Variants in SARS1 observed in about 807,000 individuals in gnomAD.
The protein encoded by SARS1 is seryl-tRNA synthetase 1, also known as serine--tRNA ligase, cytoplasmic.
In SARS1, 25 loss-of-function variants were observed where a neutral mutation model predicts 63.7. That is an observed-to-expected ratio of 0.39 (90% confidence interval 0.29 to 0.55). The LOEUF is 0.55. Ranked by LOEUF, SARS1 falls within the 20% of genes least tolerant of loss-of-function variation. SARS1 has a pLI of 0.62. For missense variants in SARS1, 417 were observed against 649.7 expected, an observed-to-expected ratio of 0.64 and a Z score of 3.89; for synonymous variants, 231 against 243.5, an observed-to-expected ratio of 0.95 and a Z score of 0.48.
rs1009685643 is a variant in SARS1, at chr1:109,237,184, C to T, written c.1258-60C>T. On this transcript the variant is annotated intron_variant, in intron 9 of 10. Transcript: ENST00000234677. This position sits in a 1 kb window ranked among gnomAD's most constrained non-coding sequence, Gnocchi z 4.1. The stretch of plus-strand genomic sequence containing the variant: ...TCTGGTTGAATGGATGGTTCCTGGC[C>T]GTCAGTAAGACCCGATGAGAGTTGA... The T allele has an allele frequency of 8.3e-6, 13 of 1,564,676 alleles. No individual in the cohort carries two copies. Among genetic ancestry groups the T allele is most frequent in the Middle Eastern group, 1.9e-4 (1 of 5,402 alleles).
intron 2 of SARS1, among the ~76,000 whole-genome samples, chr1:109,226,677 A>ATAT (rs1553177727): frequency 0.024 from 1,069 of 44,818 alleles, 37 homozygotes; most frequent in Middle Eastern, 0.12. Flanking sequence ...AAAAAAAAAA[A>ATAT]ATATATATAT....
intron 2 of SARS1, among the ~76,000 whole-genome samples, chr1:109,227,746 C>CAA (rs75421685): frequency 6.4e-5 from 8 of 124,520 alleles, no homozygotes; most frequent in African/African-American, 2.3e-4. Flanking sequence ...ATTAAAAATA[C>CAA]AAAAAAAAAA....
chr1:109,216,366 C>T (rs886156660), intron 1 of SARS1: 8 of 985,252 alleles, frequency 8.1e-6, no homozygotes, highest in Non-Finnish European at 9.6e-6. Flanking sequence ...ACTCAGGAGT[C>T]CAGTATAACT....
chr1:109,214,473 C>G lies in SARS1; in HGVS notation c.136+345C>G. 1 of 1,001,676 alleles carries G rather than the reference C, an allele frequency of 1.0e-6. No homozygotes were observed. 62.0% of individuals were successfully genotyped at this position (1,001,676 alleles called of 1,614,324 possible). A position where few individuals can be genotyped will look rare whatever the true frequency, so the allele number is the denominator to read the frequency against. Reference sequence around the variant, plus strand: ...TGTGGGGTCTACGCGGCTTTCCTAACACGAATCTTTGGTCCCCCCCAGTCT... The same window carrying G: ...TGTGGGGTCTACGCGGCTTTCCTAAGACGAATCTTTGGTCCCCCCCAGTCT... On this transcript the variant is annotated intron_variant, in intron 1 of 10. Coordinates refer to ENST00000234677, the MANE Select transcript of SARS1 (RefSeq NM_006513.4). This position sits in a 1 kb window ranked among gnomAD's most constrained non-coding sequence, Gnocchi z 4.6.
chr1:109,226,673 A>ATATATAT (rs1362263446), intron 2 of SARS1, among the ~76,000 whole-genome samples: 16 of 32,084 alleles, frequency 5.0e-4, no homozygotes, highest in African/African-American at 1.4e-3. Flanking sequence ...TAAAAAAAAA[A>ATATATAT]AAAAATATAT....
At chr1:109,224,472 C>T (rs1234618641) in intron 2 of SARS1, among the ~76,000 whole-genome samples, 1 of 151,944 alleles carries the variant, frequency 6.6e-6, no homozygotes, top group African/African-American at 2.4e-5. Context: ...TCAGTTTTCT[C>T]ATTTATAAAA....
rs754103643 is a variant in SARS1, at chr1:109,213,967, T to C, written c.-26T>C. ...TGCTGCGGCGCGATCCTTGCTTCCCTGAGCGTTGGCCCGGGAGGAAAGAAG... is the reference window on the plus strand; with the variant it reads ...TGCTGCGGCGCGATCCTTGCTTCCCCGAGCGTTGGCCCGGGAGGAAAGAAG... On this transcript the variant is annotated 5_prime_UTR_variant, in exon 1 of 11. Coordinates refer to ENST00000234677, the MANE Select transcript of SARS1 (RefSeq NM_006513.4). 1 of 1,599,134 alleles carries C rather than the reference T, an allele frequency of 6.3e-7. No homozygotes were observed. The highest frequency in any genetic ancestry group is 1.7e-5 in the Admixed American group (1 of 58,578).
chr1:109,234,589 A>G (rs1441914005), intron 6 of SARS1, among the ~76,000 whole-genome samples: 2 of 152,216 alleles, frequency 1.3e-5, no homozygotes, highest in Non-Finnish European at 2.9e-5. Flanking sequence ...ACAAGGATTA[A>G]TGTATGTGGC....
intron 2 of SARS1, among the ~76,000 whole-genome samples, chr1:109,227,644 A>G (rs371272887): frequency 4.7e-4 from 71 of 152,110 alleles, no homozygotes; most frequent in African/African-American, 1.5e-3. Context: ...GCTCACGCCT[A>G]TAATCCCAGC....
Position 109,235,244 on chromosome 1 carries a change from A to G in SARS1, c.782A>G (p.Asn261Ser). The G allele has an allele frequency of 6.2e-7, 1 of 1,613,744 alleles. No individual in the cohort carries two copies. The highest frequency in any genetic ancestry group is 8.5e-7 in the Non-Finnish European group (1 of 1,179,946). The change falls in exon 7 of 11, where the codon AAC (asparagine) becomes AGC (serine). Residue 261 changes from asparagine to serine, a missense_variant. Physicochemically the swap from Asn to Ser is conservative, Grantham distance 46. Coordinates refer to ENST00000234677, the MANE Select transcript of SARS1 (RefSeq NM_006513.4). The surrounding 1 kb of genome is among the most constrained non-coding windows in gnomAD (Gnocchi z 4.7). ...IGKGSEKSDDNSYDEKYLIAT... is the reference protein window; with the variant it reads ...IGKGSEKSDDSSYDEKYLIAT... ...AAAGGCAGTGAAAAGTCTGATGACA[A>G]CTCCTATGATGAGAAGTACCTGATT...
Position 109,214,880 on chromosome 1 carries a change from A to G in SARS1, c.136+752A>G, listed in dbSNP as rs1654749291. 20 of 985,488 alleles carry G rather than the reference A, an allele frequency of 2.0e-5. No individual in the cohort carries two copies. The highest frequency in any genetic ancestry group is 2.4e-5 in the Non-Finnish European group (20 of 829,940). 61.0% of individuals were successfully genotyped at this position (985,488 alleles called of 1,614,324 possible). A position where few individuals can be genotyped will look rare whatever the true frequency, so the allele number is the denominator to read the frequency against. On this transcript the variant is annotated intron_variant, in intron 1 of 10. Coordinates refer to ENST00000234677, the MANE Select transcript of SARS1 (RefSeq NM_006513.4). The surrounding 1 kb of genome is among the most constrained non-coding windows in gnomAD (Gnocchi z 4.6). Reference sequence around the variant, plus strand: ...GCCGGATCTTGGAGTCATATCGGGCATCTATCATGAAGCCGAATAAAACCA... The same window carrying G: ...GCCGGATCTTGGAGTCATATCGGGCGTCTATCATGAAGCCGAATAAAACCA...
In SARS1 at chr1:109,237,446, C is replaced by T; in HGVS notation, c.1387+73C>T. 3 of 1,594,818 alleles carry T rather than the reference C, an allele frequency of 1.9e-6. No homozygotes were observed. Among genetic ancestry groups the T allele is most frequent in the Non-Finnish European group, 1.7e-6 (2 of 1,167,336 alleles). On this transcript the variant is annotated intron_variant, in intron 10 of 10. Coordinates refer to ENST00000234677, the MANE Select transcript of SARS1 (RefSeq NM_006513.4). The surrounding 1 kb of genome is among the most constrained non-coding windows in gnomAD (Gnocchi z 4.1). ...ACTCTTCTAAATAGCAGTCCCCTTT[C>T]AGGATATACCAGGTTTTTTTGTTCA...
intron 1 of SARS1, among the ~76,000 whole-genome samples, chr1:109,223,392 G>A (rs1205276174): frequency 6.6e-6 from 1 of 152,192 alleles, no homozygotes; most frequent in African/African-American, 2.4e-5. Flanking sequence ...TTTCAGATGT[G>A]TTACTCTATA....
At chr1:109,224,121 C>A in intron 2 of SARS1, 73 bp downstream of exon 2, 1 of 1,096,274 alleles carries the variant, frequency 9.1e-7, no homozygotes, top group Non-Finnish European at 1.4e-6. Flanking sequence ...AGCTAATGTT[C>A]ACAGAAGTTC....
chr1:109,215,277 G>A, intron 1 of SARS1: 1 of 985,418 alleles, frequency 1.0e-6, no homozygotes. Flanking sequence ...TTTTGTTTAG[G>A]ATAAAACTAG....
At chr1:109,217,158 A>G in intron 1 of SARS1, 1 of 982,686 alleles carries the variant, frequency 1.0e-6, no homozygotes, top group Non-Finnish European at 1.2e-6. Flanking sequence ...AGCTTCATGT[A>G]TACAGATGCT....
rs1294604693 is a variant in SARS1 at position 109,237,898 on chromosome 1, C to T, written c.*10C>T. On this transcript the variant is annotated 3_prime_UTR_variant, in exon 11 of 11. Transcript: ENST00000234677. The surrounding 1 kb of genome is among the most constrained non-coding windows in gnomAD (Gnocchi z 4.1). Reference sequence around the variant, plus strand: ...GGTCACCGATGCTTGAACATTCCTGCCTCCCTATTTGCCAGGCTTTCATTT... The same window carrying T: ...GGTCACCGATGCTTGAACATTCCTGTCTCCCTATTTGCCAGGCTTTCATTT... The T allele has an allele frequency of 6.2e-7, 1 of 1,613,598 alleles. No homozygotes were observed. Among genetic ancestry groups the T allele is most frequent in the Non-Finnish European group, 8.5e-7 (1 of 1,179,720 alleles).
intron 1 of SARS1, chr1:109,215,871 A>AT (rs113393197): frequency 0.01 from 3,228 of 308,958 alleles, 3 homozygotes; most frequent in Non-Finnish European, 0.013. Context: ...CACCCAGCTA[A>AT]TTTTTTTTTT....
At chr1:109,223,936 A>C in intron 1 of SARS1, 42 bp from the exon 2 acceptor site, 2 of 1,420,704 alleles carry the variant, frequency 1.4e-6, no homozygotes, top group Non-Finnish European at 2.0e-6. Context: ...TATCTTAATT[A>C]TGGGCATTTC....
Sources: allele counts gnomAD v4.1 joint callset (sites outside exome capture counted in the v4.1 genomes callset), GRCh38; gene constraint gnomAD v4.1.1; non-coding constraint Gnocchi (gnomAD v3.1); transcripts MANE v1.5; gene names NCBI Gene and HGNC (gene_info 2026-07-23, HGNC 2026-07-21).